RPS6KA2: variants seen among roughly 807,000 people sequenced by gnomAD.
RPS6KA2 encodes the protein ribosomal protein S6 kinase A2.
RPS6KA2 carries 42 observed loss-of-function variants against 91.8 expected under a neutral mutation model. The observed-to-expected ratio is 0.46, with a 90% CI of 0.36 to 0.59. RPS6KA2 has a LOEUF of 0.59. Ranked by LOEUF, RPS6KA2 falls within the 20% of genes least tolerant of loss-of-function variation. RPS6KA2 has a pLI of 0.00. For missense variants in RPS6KA2, 798 were observed against 978.5 expected, an observed-to-expected ratio of 0.82 and a Z score of 2.46; for synonymous variants, 414 against 393.6, an observed-to-expected ratio of 1.05 and a Z score of -0.61.
In RPS6KA2 at chr6:166,437,789, G is replaced by T. The variant is rs541860990; in HGVS notation, c.1333-5299C>A. Among the ~76,000 whole-genome samples the T allele has an allele frequency of 6.6e-6, 1 of 152,212 alleles. No individual in the cohort carries two copies. Among genetic ancestry groups the T allele is most frequent in the East Asian group, 1.9e-4 (1 of 5,182 alleles). ...TTCCTGCTGGCCGAAGGCGACAACAGGAGACTTCGCTGCTCTTGATAACAC... is the reference window on the plus strand; with the variant it reads ...TTCCTGCTGGCCGAAGGCGACAACATGAGACTTCGCTGCTCTTGATAACAC... On this transcript the variant is annotated intron_variant, in intron 14 of 20. Coordinates refer to ENST00000265678, the MANE Select transcript of RPS6KA2 (RefSeq NM_021135.6). The surrounding 1 kb of genome is among the most constrained non-coding windows in gnomAD (Gnocchi z 4.3).
At chr6:166,453,811 A>G (rs985896095) in intron 12 of RPS6KA2, among the ~76,000 whole-genome samples, 1 of 152,262 alleles carries the variant, frequency 6.6e-6, no homozygotes, top group Non-Finnish European at 1.5e-5. Flanking sequence ...AGTGTCCATC[A>G]ACAGGTGATT....
intron 3 of RPS6KA2, among the ~76,000 whole-genome samples, chr6:166,513,092 C>G (rs1782525866): frequency 6.6e-6 from 1 of 152,294 alleles, no homozygotes; most frequent in African/African-American, 2.4e-5. Flanking sequence ...TTCAAAACAT[C>G]ACAAAAAATC....
intron 2 of RPS6KA2, among the ~76,000 whole-genome samples, chr6:166,675,577 G>A (rs540628878): frequency 6.6e-6 from 1 of 152,102 alleles, no homozygotes; most frequent in South Asian, 2.1e-4. Context: ...CCCCTCCACA[G>A]CCATGGACAA....
rs1029009177 is a variant in RPS6KA2, at chr6:166,612,417, A to G, written c.99+14504T>C. Among the ~76,000 whole-genome samples the G allele has an allele frequency of 2.0e-5, 3 of 151,854 alleles. No individual in the cohort carries two copies. Among genetic ancestry groups the G allele is most frequent in the African/African-American group, 7.3e-5 (3 of 41,294 alleles). ...TTTCCTTAGGAGAAAGATGGCATGC[A>G]CCCCTGGGTCACCTGGCAAAGCTAT... On this transcript the variant is annotated intron_variant, in intron 1 of 20. Transcript: ENST00000265678. The surrounding 1 kb of genome is among the most constrained non-coding windows in gnomAD (Gnocchi z 4.3).
chr6:166,427,195 A>G (rs1257051303), intron 16 of RPS6KA2, among the ~76,000 whole-genome samples: 1 of 150,608 alleles, frequency 6.6e-6, no homozygotes, highest in South Asian at 2.1e-4. Context: ...AACCAAAGAC[A>G]AAAACCACAT....
chr6:166,449,802 G>GGGGACCACCATGGGAACCACCACA, intron 13 of RPS6KA2, among the ~76,000 whole-genome samples: 1 of 110,464 alleles, frequency 9.1e-6, no homozygotes, highest in African/African-American at 3.2e-5. Flanking sequence ...GAGCCACCAC[G>GGGGACCACCATGGGAACCACCACA]GGGACCACCA....
At chr6:166,779,447 C>T (rs954231421) in intron 2 of RPS6KA2, among the ~76,000 whole-genome samples, 3 of 152,138 alleles carry the variant, frequency 2.0e-5, no homozygotes, top group African/African-American at 7.2e-5. Context: ...CAGGGACCCC[C>T]GGGCTTCACA....
chr6:166,632,007 C>T (rs1443362877), upstream of RPS6KA2, among the ~76,000 whole-genome samples: 1 of 152,174 alleles, frequency 6.6e-6, no homozygotes, highest in Non-Finnish European at 1.5e-5. Context: ...TTCCAGGATA[C>T]TAACTCCAGC....
At position 166,732,094 on chromosome 6, in the gene RPS6KA2, G is replaced by A. The variant is rs550160235; in HGVS notation, c.123+126106C>T. On this transcript the variant is annotated intron_variant, in intron 2 of 21. Transcript: ENST00000503859. The surrounding 1 kb of genome is among the most constrained non-coding windows in gnomAD (Gnocchi z 4.0). ...TAACAAAACTGGAATACCTTTTCCAGAGACCTTAATTCCTTTTTCTTTTCC... is the reference window on the plus strand; with the variant it reads ...TAACAAAACTGGAATACCTTTTCCAAAGACCTTAATTCCTTTTTCTTTTCC... Among the ~76,000 whole-genome samples the A allele has an allele frequency of 2.6e-5, 4 of 151,992 alleles. No homozygotes were observed. Among genetic ancestry groups the A allele is most frequent in the African/African-American group, 9.7e-5 (4 of 41,434 alleles).
chr6:166,545,065 C>T (rs537767115), intron 1 of RPS6KA2, among the ~76,000 whole-genome samples: 4 of 152,168 alleles, frequency 2.6e-5, no homozygotes, highest in South Asian at 2.1e-4. Flanking sequence ...AGGAAAATAC[C>T]GGGTGCCATG....
intron 14 of RPS6KA2, among the ~76,000 whole-genome samples, chr6:166,442,403 G>A (rs944261669): frequency 4.6e-5 from 7 of 152,300 alleles, no homozygotes; most frequent in South Asian, 2.1e-4. Context: ...CTCACTGACC[G>A]GCTGCGACTT....
At chr6:166,631,433 T>G (rs981592239), upstream of RPS6KA2, among the ~76,000 whole-genome samples, 12 of 152,276 alleles carry the variant, frequency 7.9e-5, no homozygotes, top group African/African-American at 2.9e-4. Flanking sequence ...CCATCCAACC[T>G]GGGTAGGAAG....
rs549805036 is a variant in RPS6KA2, at chr6:166,477,188, G to A, written c.908-7283C>T. On this transcript the variant is annotated intron_variant, in intron 10 of 20. Coordinates refer to ENST00000265678, the MANE Select transcript of RPS6KA2 (RefSeq NM_021135.6). ...ATTCTGACTGTAGCTTCTTCATGTTGAGCCTGGGCATCTTAGGTTGTAAAA... is the reference window on the plus strand; with the variant it reads ...ATTCTGACTGTAGCTTCTTCATGTTAAGCCTGGGCATCTTAGGTTGTAAAA... 2.1e-3 allele frequency among the ~76,000 whole-genome samples: 315 copies of A among 152,242 alleles called. 4 individuals are homozygous for A. The highest frequency in any genetic ancestry group is 7.1e-3 in the African/African-American group (296 of 41,540).
intron 16 of RPS6KA2, among the ~76,000 whole-genome samples, chr6:166,425,021 A>C (rs60852819): frequency 0.011 from 1,645 of 152,240 alleles, 28 homozygotes; most frequent in African/African-American, 0.036. Flanking sequence ...TAAAAGGAGG[A>C]TATAAATGGG....
chr6:166,439,005 G>A (rs980181137), intron 14 of RPS6KA2, among the ~76,000 whole-genome samples: 2 of 152,190 alleles, frequency 1.3e-5, no homozygotes, highest in African/African-American at 2.4e-5. Context: ...CCAAAGGCAC[G>A]AAGTGCTCTG....
rs758931117 is a variant in RPS6KA2, at chr6:166,430,544, C to T, written c.1490G>A (p.Arg497His). 22 of 1,613,820 alleles carry T rather than the reference C, an allele frequency of 1.4e-5. No homozygotes were observed. The Admixed American group carries it at 1.8e-4, about 13-fold the overall frequency. Residue 497 changes from arginine to histidine, a missense_variant, in exon 16 of 21, where the codon CGC (arginine) becomes CAC (histidine). Arg to His is a conservative substitution (Grantham distance 29). Coordinates refer to ENST00000265678, the MANE Select transcript of RPS6KA2 (RefSeq NM_021135.6). ...ELMRGGELLD[R>H]ILRQRYFSER... Reference sequence around the variant, plus strand: ...CGAGAAGTATCTCTGCCGGAGGATGCGGTCCAGGAGCTCCCCACCACGCAT... The same window carrying T: ...CGAGAAGTATCTCTGCCGGAGGATGTGGTCCAGGAGCTCCCCACCACGCAT...
Position 166,825,875 on chromosome 6 carries a change from A to G in RPS6KA2, c.123+32325T>C, listed in dbSNP as rs1389983078. On this transcript the variant is annotated intron_variant, in intron 2 of 21. Coordinates refer to the RPS6KA2 transcript ENST00000503859. The surrounding 1 kb of genome is among the most constrained non-coding windows in gnomAD (Gnocchi z 4.1). ...GAGACACAAGCATTCAGACCACAGCACAGATGAAATGTCCACAGCAGGAAG... is the reference window on the plus strand; with the variant it reads ...GAGACACAAGCATTCAGACCACAGCGCAGATGAAATGTCCACAGCAGGAAG... Among the ~76,000 whole-genome samples the G allele has an allele frequency of 6.6e-6, 1 of 152,188 alleles. No individual in the cohort carries two copies. The highest frequency in any genetic ancestry group is 1.5e-5 in the Non-Finnish European group (1 of 68,026).
intron 2 of RPS6KA2, among the ~76,000 whole-genome samples, chr6:166,641,745 A>AAAAAAAAAAAAAAAAAAAAT (rs1237787428): frequency 1.5e-5 from 2 of 132,210 alleles, no homozygotes; most frequent in Admixed American, 7.4e-5. Flanking sequence ...AAAAAAAAAA[A>AAAAAAAAAAAAAAAAAAAAT]AAAAAAAAAA....
In RPS6KA2 at chr6:166,493,318, T is replaced by C. The variant is rs1454050586; in HGVS notation, c.748-2577A>G. ...CCTTTCCCATCCCCTTATCCACCCT[T>C]TTCTGTGGAGAAGGGAGATCATTTC... On this transcript the variant is annotated intron_variant, in intron 8 of 20. Coordinates refer to ENST00000265678, the MANE Select transcript of RPS6KA2 (RefSeq NM_021135.6). The surrounding 1 kb of genome is among the most constrained non-coding windows in gnomAD (Gnocchi z 4.7). Among the ~76,000 whole-genome samples, 1 of 152,104 alleles carries C rather than the reference T, an allele frequency of 6.6e-6. No individual in the cohort carries two copies. The highest frequency in any genetic ancestry group is 1.9e-4 in the East Asian group (1 of 5,188).
Sources: allele counts gnomAD v4.1 joint callset (sites outside exome capture counted in the v4.1 genomes callset), GRCh38; gene constraint gnomAD v4.1.1; non-coding constraint Gnocchi (gnomAD v3.1); transcripts MANE v1.5; gene names NCBI Gene and HGNC (gene_info 2026-07-23, HGNC 2026-07-21).